Variants in SNTB2 observed in about 807,000 individuals in gnomAD.
SNTB2 encodes syntrophin beta 2.
Under a neutral mutation model 46.2 loss-of-function variants are expected in SNTB2, and 34 were observed. That is an observed-to-expected ratio of 0.74 (90% CI 0.56 to 0.98). The LOEUF is 0.98. Among genes scored for constraint, SNTB2 ranks in the 50% least tolerant of loss-of-function variants. The pLI, the probability that SNTB2 is intolerant of heterozygous loss-of-function variation, is 0.00. For synonymous variants in SNTB2, 290 were observed against 312.6 expected (o/e 0.93, Z 0.76); for missense variants, 603 against 731.4 (o/e 0.82, Z 2.02).
At chr16:69,235,723 C>T (rs1158963181) in intron 1 of SNTB2, 34 of 1,288,206 alleles carry the variant, frequency 2.6e-5, no homozygotes, top group Non-Finnish European at 3.2e-5. Flanking sequence ...AACATAGTAC[C>T]AGGAATTTTT....
intron 4 of SNTB2, among the ~76,000 whole-genome samples, chr16:69,277,037 G>A (rs1964990763): frequency 6.6e-6 from 1 of 152,180 alleles, no homozygotes; most frequent in African/African-American, 2.4e-5. Flanking sequence ...TTGTCTCAAG[G>A]AAAAGCACAT....
intron 1 of SNTB2, 119 bp downstream of exon 1, chr16:69,187,865 C>A: frequency 1.2e-6 from 1 of 858,158 alleles, no homozygotes; most frequent in South Asian, 2.3e-5. Context: ...TCTCCAAACC[C>A]GGGTTTCTGG....
chr16:69,251,778 G>A (rs569386831), intron 2 of SNTB2, among the ~76,000 whole-genome samples: 18 of 151,672 alleles, frequency 1.2e-4, no homozygotes, highest in African/African-American at 4.1e-4. Context: ...GTGAAACTCC[G>A]TCTCAAAAAC....
chr16:69,206,552 G>C (rs1379893180), intron 1 of SNTB2, among the ~76,000 whole-genome samples: 1 of 151,546 alleles, frequency 6.6e-6, no homozygotes, highest in South Asian at 2.1e-4. Context: ...TTAGCCGGGC[G>C]TGGTGGTGCA....
intron 1 of SNTB2, among the ~76,000 whole-genome samples, chr16:69,222,626 TAAA>T (rs1964417463): frequency 6.6e-6 from 1 of 151,640 alleles, no homozygotes; most frequent in Non-Finnish European, 1.5e-5. Context: ...TAAGATGTGT[TAAA>T]AAGCAAGATA....
chr16:69,284,478 A>G (rs1965081736), intron 5 of SNTB2, among the ~76,000 whole-genome samples: 1 of 148,920 alleles, frequency 6.7e-6, no homozygotes, highest in South Asian at 2.1e-4. Context: ...AAAAAAAAAA[A>G]AAAAAAAAAA....
intron 1 of SNTB2, among the ~76,000 whole-genome samples, chr16:69,198,118 TG>T (rs1158116082): frequency 1.2e-4 from 16 of 135,266 alleles, no homozygotes; most frequent in South Asian, 9.6e-4. Context: ...TTTTTTTTTT[TG>T]GGGGGTAGGG....
chr16:69,292,391 TA>T lies in SNTB2; in HGVS notation c.1346-7198del, dbSNP rs1344249653. On this transcript the variant is annotated intron_variant, in intron 5 of 6. Transcript: ENST00000336278. ...ATATATATATATATTATATATATAT[TA>T]TATATATATATATATTATATATATA... 2.9e-3 allele frequency among the ~76,000 whole-genome samples: 29 copies of T among 10,042 alleles called. 4 individuals are homozygous for T. Among genetic ancestry groups the T allele is most frequent in the African/African-American group, 6.8e-3 (5 of 730 alleles). The allele number at this position is 10,042 out of a possible 152,430, so 6.6% of individuals were successfully genotyped here. A position where few individuals can be genotyped will look rare whatever the true frequency, so the allele number is the denominator to read the frequency against.
chr16:69,255,491 C>T (rs1486718434), intron 2 of SNTB2, among the ~76,000 whole-genome samples: 2 of 150,380 alleles, frequency 1.3e-5, no homozygotes, highest in African/African-American at 4.9e-5. Flanking sequence ...ACCTGGGAGG[C>T]GGAGCTTGCA....
At chr16:69,289,919 C>G (rs1965144474) in intron 5 of SNTB2, among the ~76,000 whole-genome samples, 1 of 151,984 alleles carries the variant, frequency 6.6e-6, no homozygotes, top group Non-Finnish European at 1.5e-5. Flanking sequence ...AAGACCCTGT[C>G]TCAAAAGAAA....
At chr16:69,270,437 C>T (rs1964927192) in intron 4 of SNTB2, 152 bp downstream of exon 4, 1 of 825,942 alleles carries the variant, frequency 1.2e-6, no homozygotes, top group Non-Finnish European at 1.8e-6. Flanking sequence ...GTTTTACAAC[C>T]TTATTGATAA....
chr16:69,273,581 G>A (rs1241511636), intron 4 of SNTB2, among the ~76,000 whole-genome samples: 2 of 152,166 alleles, frequency 1.3e-5, no homozygotes, highest in Non-Finnish European at 2.9e-5. Flanking sequence ...GAGCTAATGG[G>A]TACAGGATTT....
chr16:69,254,110 C>T (rs994268867), intron 2 of SNTB2, among the ~76,000 whole-genome samples: 1 of 152,070 alleles, frequency 6.6e-6, no homozygotes, highest in African/African-American at 2.4e-5. Flanking sequence ...AGAAAATAGT[C>T]AGCCTGATAT....
chr16:69,270,409 T>G (rs768105734), intron 4 of SNTB2, 124 bp downstream of exon 4: 60 of 1,199,824 alleles, frequency 5.0e-5, no homozygotes, highest in Non-Finnish European at 6.9e-5. Flanking sequence ...ATATAGTTGA[T>G]GCAGACAAAA....
At chr16:69,296,728 A>G (rs1031202461) in intron 5 of SNTB2, among the ~76,000 whole-genome samples, 107 of 151,458 alleles carry the variant, frequency 7.1e-4, no homozygotes, top group African/African-American at 2.4e-3. Context: ...TCAAAAAAAA[A>G]AAAAAGAAAA....
intron 1 of SNTB2, among the ~76,000 whole-genome samples, chr16:69,229,842 CAA>C (rs74748760): frequency 4.5e-4 from 49 of 108,064 alleles, no homozygotes; most frequent in Admixed American, 5.9e-4. Flanking sequence ...GACCCTGTCT[CAA>C]AAAAAAAAAA....
intron 1 of SNTB2, among the ~76,000 whole-genome samples, chr16:69,192,136 G>C (rs1411258682): frequency 6.6e-6 from 1 of 152,212 alleles, no homozygotes; most frequent in South Asian, 2.1e-4. Context: ...GCAGTGCAAA[G>C]AGGAAAGACC....
chr16:69,291,223 C>T (rs1376678114), intron 5 of SNTB2, among the ~76,000 whole-genome samples: 1 of 152,134 alleles, frequency 6.6e-6, no homozygotes, highest in Non-Finnish European at 1.5e-5. Context: ...ACCTGAAAGA[C>T]CTACTCCCTT....
intron 3 of SNTB2, among the ~76,000 whole-genome samples, chr16:69,260,982 G>T (rs1438328866): frequency 6.6e-6 from 1 of 151,972 alleles, no homozygotes; most frequent in Non-Finnish European, 1.5e-5. Context: ...TTGACAAAAG[G>T]AGAGTAAAAG....
Sources: gnomAD v4.1 joint callset for allele counts (sites outside exome capture counted in the v4.1 genomes callset) on GRCh38, gnomAD v4.1.1 for gene constraint, MANE v1.5 for transcripts, NCBI Gene and HGNC (gene_info 2026-07-23, HGNC 2026-07-21) for gene names.